NRXN1: variants seen among roughly 807,000 people sequenced by gnomAD.
NRXN1 encodes the protein neurexin-1.
A neutral mutation model predicts 150.9 loss-of-function variants in NRXN1; 39 were observed. The ratio of observed to expected loss-of-function variants is 0.26; its 90% CI spans 0.20 to 0.34. The LOEUF is 0.34. Among genes scored for constraint, NRXN1 ranks in the 10% least tolerant of loss-of-function variants. The pLI, the probability that NRXN1 is intolerant of heterozygous loss-of-function variation, is 1.00. For synonymous variants in NRXN1, 924 were observed against 757.0 expected, an observed-to-expected ratio of 1.22 and a Z score of -3.62; for missense variants, 1,815 against 1,949.9, an observed-to-expected ratio of 0.93 and a Z score of 1.30.
At chr2:50,333,148 A>G (rs1259484821) in intron 17 of NRXN1, among the ~76,000 whole-genome samples, 1 of 152,020 alleles carries the variant, frequency 6.6e-6, no homozygotes, top group East Asian at 1.9e-4. Context: ...CATCTCTTTG[A>G]TCTTTTGAGG....
At chr2:50,360,094 G>C (rs1001981377) in intron 17 of NRXN1, among the ~76,000 whole-genome samples, 1 of 152,138 alleles carries the variant, frequency 6.6e-6, no homozygotes, top group East Asian at 1.9e-4. Flanking sequence ...CCTTACAAGA[G>C]CTCCTGAAGG....
chr2:50,311,476 A>G (rs1024832937), intron 17 of NRXN1, among the ~76,000 whole-genome samples: 10 of 152,132 alleles, frequency 6.6e-5, no homozygotes, highest in Non-Finnish European at 8.8e-5. Context: ...TCAAGAATGA[A>G]GAAACCATGC....
chr2:50,634,726 G>T (rs74649397), intron 5 of NRXN1, among the ~76,000 whole-genome samples: 1,828 of 152,112 alleles, frequency 0.012, 42 homozygotes, highest in African/African-American at 0.041. Context: ...TATGCCTCTA[G>T]GTGTCTTACC....
chr2:50,743,258 C>A (rs1212837347), intron 5 of NRXN1, among the ~76,000 whole-genome samples: 1 of 152,116 alleles, frequency 6.6e-6, no homozygotes, highest in Non-Finnish European at 1.5e-5. Flanking sequence ...ATCTAAATGC[C>A]TCGGTTTCCT....
chr2:50,495,385 GTGTGTGT>G lies in NRXN1; in HGVS notation c.3070+513_3070+519del, dbSNP rs1558829231. Among the ~76,000 whole-genome samples, 596 of 131,450 alleles carry G rather than the reference GTGTGTGT, an allele frequency of 4.5e-3. 3 individuals are homozygous for G. The highest frequency in any genetic ancestry group is 0.017 in the African/African-American group (535 of 31,780). 86.2% of individuals were successfully genotyped at this position (131,450 alleles called of 152,430 possible). ...GTGTGTGTGTGTGTGTGTGTGGTGT[GTGTGTGT>G]GTGTGTGTGTGTGTGTGTGTGTGTG... On this transcript the variant is annotated intron_variant, in intron 15 of 22. Coordinates refer to ENST00000401669, the MANE Select transcript of NRXN1 (RefSeq NM_001330078.2).
intron 17 of NRXN1, among the ~76,000 whole-genome samples, chr2:50,352,476 A>G (rs2078481138): frequency 6.6e-6 from 1 of 151,980 alleles, no homozygotes; most frequent in Non-Finnish European, 1.5e-5. Flanking sequence ...ATATATTAAA[A>G]CCCACAGGCA....
At chr2:50,160,655 T>C (rs946487295) in intron 18 of NRXN1, among the ~76,000 whole-genome samples, 1 of 152,074 alleles carries the variant, frequency 6.6e-6, no homozygotes, top group Non-Finnish European at 1.5e-5. Context: ...CCTTAAAGAT[T>C]GCTCAAAAAA....
rs180906486 is a variant in NRXN1 at position 50,868,674 on chromosome 2, T to C, written c.832+53195A>G. On this transcript the variant is annotated intron_variant, in intron 5 of 22. Coordinates refer to ENST00000401669, the MANE Select transcript of NRXN1 (RefSeq NM_001330078.2). ...AATTAAAATTATTGTAGACAATTGA[T>C]ATTTGTGGTCTTTTAAACTTGATAT... 7.9e-5 allele frequency among the ~76,000 whole-genome samples: 12 copies of C among 152,038 alleles called. No individual in the cohort carries two copies. In the East Asian group the frequency reaches 2.1e-3, roughly 27 times the overall value.
chr2:50,521,604 C>T (rs1243283935), intron 12 of NRXN1, among the ~76,000 whole-genome samples: 1 of 152,104 alleles, frequency 6.6e-6, no homozygotes, highest in Non-Finnish European at 1.5e-5. Flanking sequence ...TTTGACCGTC[C>T]CCATGATTTA....
intron 18 of NRXN1, among the ~76,000 whole-genome samples, chr2:50,161,985 T>A (rs1310790021): frequency 6.6e-6 from 1 of 152,138 alleles, no homozygotes. Flanking sequence ...TTTGAAGTCA[T>A]TGTAGCGAAA....
intron 18 of NRXN1, among the ~76,000 whole-genome samples, chr2:50,208,570 T>C (rs1281763046): frequency 6.6e-6 from 1 of 152,028 alleles, no homozygotes; most frequent in Non-Finnish European, 1.5e-5. Context: ...TTATTTTGAT[T>C]TAGAGAGGAG....
intron 19 of NRXN1, among the ~76,000 whole-genome samples, chr2:50,064,157 T>C (rs1694989958): frequency 1.3e-5 from 2 of 151,974 alleles, no homozygotes; most frequent in South Asian, 2.1e-4. Context: ...CATGTCTATT[T>C]AGTTTATTCA....
At chr2:50,365,490 G>A (rs1217138694) in intron 17 of NRXN1, among the ~76,000 whole-genome samples, 5 of 152,004 alleles carry the variant, frequency 3.3e-5, no homozygotes, top group Non-Finnish European at 5.9e-5. Flanking sequence ...GTATGTTTAA[G>A]AAAGTTACAA....
intron 17 of NRXN1, among the ~76,000 whole-genome samples, chr2:50,278,680 T>C (rs1189836670): frequency 1.3e-5 from 2 of 152,052 alleles, no homozygotes; most frequent in Non-Finnish European, 2.9e-5. Flanking sequence ...AACTGAAAGA[T>C]GAAAATTAGG....
At chr2:50,647,213 G>C (rs151272798) in intron 5 of NRXN1, among the ~76,000 whole-genome samples, 94 of 151,970 alleles carry the variant, frequency 6.2e-4, no homozygotes, top group African/African-American at 2.0e-3. Context: ...GAAACTTACA[G>C]ATAGTAGGCC....
intron 9 of NRXN1, among the ~76,000 whole-genome samples, chr2:50,548,982 T>C (rs879572455): frequency 5.3e-5 from 8 of 152,182 alleles, no homozygotes; most frequent in Admixed American, 5.2e-4. Flanking sequence ...AGATATGGCC[T>C]CATTATCTGT....
At chr2:50,473,787 C>T (rs971209739) in intron 15 of NRXN1, among the ~76,000 whole-genome samples, 2 of 151,962 alleles carry the variant, frequency 1.3e-5, no homozygotes, top group African/African-American at 4.8e-5. Flanking sequence ...GGTCTCCCAT[C>T]CAGAAATATT....
At chr2:50,523,800 C>T (rs898951613) in intron 12 of NRXN1, among the ~76,000 whole-genome samples, 1 of 152,196 alleles carries the variant, frequency 6.6e-6, no homozygotes, top group African/African-American at 2.4e-5. Context: ...CCCCTTCTCT[C>T]CAATACTTGG....
intron 18 of NRXN1, among the ~76,000 whole-genome samples, chr2:50,169,711 CAAA>C (rs11296551): frequency 1.1e-4 from 11 of 103,778 alleles, no homozygotes; most frequent in Non-Finnish European, 1.3e-4. Context: ...GCTTCCATCT[CAAA>C]AAAAAAAAAA....
Sources: allele counts gnomAD v4.1 joint callset (sites outside exome capture counted in the v4.1 genomes callset), GRCh38; gene constraint gnomAD v4.1.1; transcripts MANE v1.5; gene names NCBI Gene and HGNC (gene_info 2026-07-23, HGNC 2026-07-21).